Variants in NEBL observed in about 807,000 individuals in gnomAD.
NEBL encodes the protein LIM and SH3 protein 2.
A neutral mutation model predicts 140.2 loss-of-function variants in NEBL; 122 were observed. The observed-to-expected ratio is 0.87, with a 90% CI of 0.75 to 1.01. The LOEUF is 1.01. Ranked by LOEUF, NEBL falls within the 50% of genes least tolerant of loss-of-function variation. The probability of loss-of-function intolerance (pLI) is 0.00; values close to 1 mark genes in which losing one functional copy is unlikely to be tolerated. For missense variants in NEBL, 1,365 were observed against 1,231.3 expected (o/e 1.11, Z -1.62); for synonymous variants, 436 against 398.9 (o/e 1.09, Z -1.11).
intron 2 of NEBL, among the ~76,000 whole-genome samples, chr10:21,079,767 G>T (rs1172005399): frequency 6.6e-6 from 1 of 152,018 alleles, no homozygotes; most frequent in Non-Finnish European, 1.5e-5. Context: ...TCAAAAGATC[G>T]CAGTTATAGA....
At chr10:20,958,766 T>C (rs1835922156) in intron 4 of NEBL, among the ~76,000 whole-genome samples, 2 of 152,206 alleles carry the variant, frequency 1.3e-5, no homozygotes, top group African/African-American at 4.8e-5. Flanking sequence ...GAATTATAAA[T>C]TGCAGTATTT....
At chr10:21,278,889 A>G (rs778249770) in intron 1 of NEBL, among the ~76,000 whole-genome samples, 49 of 152,096 alleles carry the variant, frequency 3.2e-4, no homozygotes, top group Non-Finnish European at 6.5e-4. Context: ...TTCAAATCCA[A>G]CGTTGCCTCC....
intron 3 of NEBL, among the ~76,000 whole-genome samples, chr10:20,981,499 A>G (rs1261184912): frequency 6.6e-6 from 1 of 152,196 alleles, no homozygotes; most frequent in African/African-American, 2.4e-5. Flanking sequence ...TCATTCCTTG[A>G]GCAGTCAGCA....
upstream of NEBL, chr10:20,897,643 C>T (rs1156488881): frequency 2.9e-6 from 2 of 695,198 alleles, no homozygotes; most frequent in Non-Finnish European, 3.5e-6. Flanking sequence ...GATTCCTTGT[C>T]TCTGTCTAAA....
chr10:21,037,214 G>A (rs886886343), intron 2 of NEBL, among the ~76,000 whole-genome samples: 2 of 120,040 alleles, frequency 1.7e-5, no homozygotes, highest in African/African-American at 6.2e-5. Flanking sequence ...AGTCATTTAA[G>A]AAAACCCAAC....
chr10:21,135,950 C>A (rs954773315), intron 2 of NEBL, among the ~76,000 whole-genome samples: 1 of 152,224 alleles, frequency 6.6e-6, no homozygotes, highest in Non-Finnish European at 1.5e-5. Flanking sequence ...GCAGAACTTT[C>A]TGGAACTTGA....
In NEBL at chr10:20,921,017, ATGTC is replaced by A. The variant is rs371979535; in HGVS notation, c.357+40651_357+40654del. 4.8e-3 allele frequency among the ~76,000 whole-genome samples: 731 copies of A among 152,276 alleles called. 5 individuals are homozygous for A. The highest frequency in any genetic ancestry group is 0.017 in the African/African-American group (709 of 41,544). On this transcript the variant is annotated intron_variant, in intron 4 of 6. Coordinates refer to the NEBL transcript ENST00000417816. ...TGTTTACCAGCTCTGTCCACTGAAA[ATGTC>A]TGGAGTAATGACAGTAGGAACAGGG... is the stretch of plus-strand genomic sequence containing the variant.
chr10:21,161,137 C>T (rs1000961136), intron 2 of NEBL, among the ~76,000 whole-genome samples: 3 of 152,208 alleles, frequency 2.0e-5, no homozygotes, highest in African/African-American at 2.4e-5. Flanking sequence ...CATCTAGGAT[C>T]GCCACACAGA....
chr10:20,862,263 A>T (rs1459170243), intron 7 of NEBL, among the ~76,000 whole-genome samples: 1 of 152,196 alleles, frequency 6.6e-6, no homozygotes, highest in African/African-American at 2.4e-5. Flanking sequence ...TTGTATTGTG[A>T]AATTTATCTT....
At chr10:21,037,531 C>T (rs1373355051) in intron 2 of NEBL, among the ~76,000 whole-genome samples, 2 of 151,886 alleles carry the variant, frequency 1.3e-5, no homozygotes, top group Non-Finnish European at 2.9e-5. Flanking sequence ...TCATGTGGGT[C>T]GGGTGACAGT....
intron 2 of NEBL, among the ~76,000 whole-genome samples, chr10:21,044,270 G>A (rs11012495): frequency 6.6e-6 from 1 of 151,866 alleles, no homozygotes; most frequent in Non-Finnish European, 1.5e-5. Flanking sequence ...GGTGGTGGGC[G>A]CCTGTAATCC....
upstream of NEBL, among the ~76,000 whole-genome samples, chr10:21,177,909 C>G (rs1445119699): frequency 1.3e-5 from 2 of 152,152 alleles, no homozygotes; most frequent in Non-Finnish European, 2.9e-5. Context: ...TTAATTATTT[C>G]ATCATCTCAT....
chr10:21,267,513 G>T (rs1392659703), intron 1 of NEBL, among the ~76,000 whole-genome samples: 1 of 152,198 alleles, frequency 6.6e-6, no homozygotes, highest in Non-Finnish European at 1.5e-5. Flanking sequence ...TCACAGTCAG[G>T]GCTGCTGTGG....
At chr10:21,189,044 A>G (rs997727078) in intron 3 of NEBL, among the ~76,000 whole-genome samples, 3 of 152,168 alleles carry the variant, frequency 2.0e-5, no homozygotes, top group African/African-American at 7.2e-5. Context: ...TAAAATAACT[A>G]TAGTAGATTG....
intron 3 of NEBL, among the ~76,000 whole-genome samples, chr10:20,966,789 A>G (rs1426117986): frequency 6.6e-6 from 1 of 152,242 alleles, no homozygotes; most frequent in East Asian, 1.9e-4. Context: ...AAACAGCGCA[A>G]TTATTACTAT....
rs138596697 is a variant in NEBL, at chr10:21,138,401, T to G, written c.164+33982A>C. Reference sequence around the variant, plus strand: ...CCCAGGAGACAGAGGGAAGAAATCTTTATAATAAATGGACTGTCCACTTTG... The same window carrying G: ...CCCAGGAGACAGAGGGAAGAAATCTGTATAATAAATGGACTGTCCACTTTG... On this transcript the variant is annotated intron_variant, in intron 2 of 6. Transcript: ENST00000417816. Among the ~76,000 whole-genome samples the G allele has an allele frequency of 2.2e-3, 332 of 152,210 alleles. 2 individuals carry two copies. The highest frequency in any genetic ancestry group is 7.5e-3 in the African/African-American group (310 of 41,550).
chr10:21,252,355 CAG>C (rs1371663421), intron 1 of NEBL, among the ~76,000 whole-genome samples: 4 of 152,110 alleles, frequency 2.6e-5, no homozygotes, highest in Non-Finnish European at 4.4e-5. Context: ...GCACTAAAGA[CAG>C]ACAAAAAAAG....
intron 2 of NEBL, among the ~76,000 whole-genome samples, chr10:21,076,390 A>G (rs1836078277): frequency 7.3e-6 from 1 of 137,462 alleles, no homozygotes; most frequent in African/African-American, 2.7e-5. Flanking sequence ...GGTTGCAGTG[A>G]GCCGAGATCG....
intron 4 of NEBL, among the ~76,000 whole-genome samples, chr10:20,902,922 T>C (rs903224915): frequency 5.9e-5 from 9 of 152,192 alleles, no homozygotes; most frequent in African/African-American, 2.2e-4. Context: ...AATGGGCACA[T>C]AGAAAACAAA....
Sources: gnomAD v4.1 joint callset for allele counts (sites outside exome capture counted in the v4.1 genomes callset) on GRCh38, gnomAD v4.1.1 for gene constraint, MANE v1.5 for transcripts, NCBI Gene and HGNC (gene_info 2026-07-23, HGNC 2026-07-21) for gene names.